RGS17: variants seen among roughly 807,000 people sequenced by gnomAD.
RGS17 encodes regulator of G protein signaling 17, also known as regulator of G-protein signaling 17.
Under a neutral mutation model 25.5 loss-of-function variants are expected in RGS17, and 12 were observed. The observed-to-expected ratio is 0.47, with a 90% CI of 0.30 to 0.76. RGS17 has a LOEUF of 0.76. Among genes scored for constraint, RGS17 ranks in the 30% least tolerant of loss-of-function variants. RGS17 has a pLI of 0.07. For missense variants in RGS17, 196 were observed against 242.2 expected (o/e 0.81, Z 1.27); for synonymous variants, 71 against 76.9 (o/e 0.92, Z 0.40).
intron 1 of RGS17, among the ~76,000 whole-genome samples, chr6:153,099,872 C>A (rs1242802974): frequency 1.3e-5 from 2 of 152,126 alleles, no homozygotes; most frequent in African/African-American, 2.4e-5. Context: ...GGCACCCAGT[C>A]CCTCAAATGT....
chr6:153,034,605 A>C (rs1234817779), intron 2 of RGS17, among the ~76,000 whole-genome samples: 2 of 152,198 alleles, frequency 1.3e-5, no homozygotes, highest in Non-Finnish European at 2.9e-5. Flanking sequence ...GTAGTAAGTA[A>C]CTTGCCAAAG....
intron 2 of RGS17, among the ~76,000 whole-genome samples, chr6:153,028,221 T>C (rs1584123883): frequency 6.6e-6 from 1 of 152,050 alleles, no homozygotes; most frequent in South Asian, 2.1e-4. Flanking sequence ...CAGGGGCAGG[T>C]TTATTGGTGT....
intron 1 of RGS17, among the ~76,000 whole-genome samples, chr6:153,054,125 T>C (rs1307628974): frequency 7.8e-6 from 1 of 127,408 alleles, no homozygotes; most frequent in East Asian, 2.4e-4. Flanking sequence ...TGTATATATA[T>C]ATATATACAG....
At chr6:153,072,856 C>T (rs1251590401) in intron 1 of RGS17, among the ~76,000 whole-genome samples, 1 of 150,946 alleles carries the variant, frequency 6.6e-6, no homozygotes, top group African/African-American at 2.4e-5. Flanking sequence ...GCACTTAATA[C>T]CTGTTCATGG....
At chr6:153,083,320 A>C (rs1398950047) in intron 1 of RGS17, among the ~76,000 whole-genome samples, 1 of 152,218 alleles carries the variant, frequency 6.6e-6, no homozygotes, top group East Asian at 1.9e-4. Flanking sequence ...TTTCTTCATT[A>C]ACTTTCAGGA....
chr6:153,039,244 T>C (rs1051669940), intron 2 of RGS17, among the ~76,000 whole-genome samples: 2 of 152,228 alleles, frequency 1.3e-5, no homozygotes, highest in East Asian at 1.9e-4. Context: ...ATGGGTCTAC[T>C]GACATCAGCA....
intron 2 of RGS17, among the ~76,000 whole-genome samples, chr6:153,041,853 T>C (rs115789040): frequency 0.011 from 1,674 of 152,322 alleles, 27 homozygotes; most frequent in African/African-American, 0.039. Context: ...TTTAAAGTGA[T>C]CTTTATTTTC....
chr6:153,067,767 T>C (rs1317281261), intron 1 of RGS17, among the ~76,000 whole-genome samples: 1 of 152,200 alleles, frequency 6.6e-6, no homozygotes, highest in Non-Finnish European at 1.5e-5. Context: ...GCAATCTCTA[T>C]CAAAGTACCA....
intron 1 of RGS17, among the ~76,000 whole-genome samples, chr6:153,095,703 T>C (rs1308569728): frequency 1.3e-5 from 2 of 152,220 alleles, no homozygotes; most frequent in Admixed American, 6.5e-5. Flanking sequence ...GATCTAATTA[T>C]ACATATTATT....
intron 2 of RGS17, among the ~76,000 whole-genome samples, chr6:153,027,047 T>G (rs1274206699): frequency 6.6e-6 from 1 of 152,198 alleles, no homozygotes; most frequent in Non-Finnish European, 1.5e-5. Flanking sequence ...GATAATATCA[T>G]TCCTTCAATT....
At position 153,088,923 on chromosome 6, in the gene RGS17, G is replaced by C. The variant is rs370795816; in HGVS notation, c.-26+42201C>G. On this transcript the variant is annotated intron_variant, in intron 1 of 4. Transcript: ENST00000206262. ...ACACTGCAGCTGTCCGCAGATTATT[G>C]TAAGGGAAAAAGAAACGAGTAATAT... is the stretch of plus-strand genomic sequence containing the variant. Among the ~76,000 whole-genome samples, 241 of 106,586 alleles carry C rather than the reference G, an allele frequency of 2.3e-3. 1 individual carries two copies. The highest frequency in any genetic ancestry group is 7.3e-3 in the African/African-American group (229 of 31,450). 69.9% of individuals were successfully genotyped at this position (106,586 alleles called of 152,430 possible).
chr6:153,047,243 A>G (rs1776395960), intron 1 of RGS17, among the ~76,000 whole-genome samples: 1 of 152,220 alleles, frequency 6.6e-6, no homozygotes. Flanking sequence ...GGGGTAGAAT[A>G]TAAGAAACAG....
At chr6:153,069,044 G>C (rs1457970835) in intron 1 of RGS17, among the ~76,000 whole-genome samples, 4 of 152,148 alleles carry the variant, frequency 2.6e-5, no homozygotes, top group Non-Finnish European at 4.4e-5. Context: ...GAAGAGTTTG[G>C]AGGTTCCTCC....
intron 1 of RGS17, among the ~76,000 whole-genome samples, chr6:153,093,059 A>T (rs1777155568): frequency 6.6e-6 from 1 of 152,254 alleles, no homozygotes; most frequent in African/African-American, 2.4e-5. Flanking sequence ...AAATATTATT[A>T]TCAAGAATTA....
chr6:153,120,478 T>A (rs1777610459), intron 1 of RGS17, among the ~76,000 whole-genome samples: 1 of 152,204 alleles, frequency 6.6e-6, no homozygotes, highest in South Asian at 2.1e-4. Flanking sequence ...ATCATCATCT[T>A]CCCATGGACC....
At chr6:153,080,918 G>C (rs1776969955) in intron 1 of RGS17, among the ~76,000 whole-genome samples, 1 of 150,976 alleles carries the variant, frequency 6.6e-6, no homozygotes, top group Non-Finnish European at 1.5e-5. Context: ...TCTTTCTCTT[G>C]TTAATTTCTA....
intron 1 of RGS17, among the ~76,000 whole-genome samples, chr6:153,055,564 A>ATT (rs143664917): frequency 5.9e-5 from 9 of 151,384 alleles, no homozygotes; most frequent in African/African-American, 1.5e-4. Flanking sequence ...GGGACTTCAG[A>ATT]TTTTTTTTTG....
intron 2 of RGS17, among the ~76,000 whole-genome samples, chr6:153,043,272 A>G (rs899095727): frequency 6.6e-6 from 1 of 152,216 alleles, no homozygotes; most frequent in African/African-American, 2.4e-5. Flanking sequence ...AATGGGAAGC[A>G]GGTTCTCTGG....
At chr6:153,095,810 T>A (rs1777200178) in intron 1 of RGS17, among the ~76,000 whole-genome samples, 1 of 152,172 alleles carries the variant, frequency 6.6e-6, no homozygotes, top group African/African-American at 2.4e-5. Flanking sequence ...TGCAAAACAT[T>A]ACAAATGATA....
Sources: allele counts gnomAD v4.1 joint callset (sites outside exome capture counted in the v4.1 genomes callset), GRCh38; gene constraint gnomAD v4.1.1; transcripts MANE v1.5; gene names NCBI Gene and HGNC (gene_info 2026-07-23, HGNC 2026-07-21).